Variants in ITGB8 observed in about 807,000 individuals in gnomAD.
The protein encoded by ITGB8 is integrin beta-8.
In ITGB8, 30 loss-of-function variants were observed where a neutral mutation model predicts 89.5. That is an observed-to-expected ratio of 0.34 (90% CI 0.25 to 0.45). The LOEUF (loss-of-function observed/expected upper bound fraction) is 0.45, where lower values mean the gene tolerates loss of function less well. ITGB8 is among the 20% of genes least tolerant of loss of function. The pLI, the probability that ITGB8 is intolerant of heterozygous loss-of-function variation, is 1.00. For synonymous variants in ITGB8, 335 were observed against 320.4 expected, an observed-to-expected ratio of 1.05 and a Z score of -0.49; for missense variants, 836 against 933.3, an observed-to-expected ratio of 0.90 and a Z score of 1.36.
Position 20,401,785 on chromosome 7 carries a change from T to C in ITGB8, c.1346T>C (p.Ile449Thr). The change falls in exon 10 of 14, where the codon ATA becomes ACA. Residue 449 changes from isoleucine (I) to threonine (T), a missense_variant. Coordinates refer to ENST00000222573, the MANE Select transcript of ITGB8 (RefSeq NM_002214.3). ...CDVTGGKNYA[I>T]IKPIGFNETA... ...GTCACAGGAGGAAAAAACTATGCAATAATCAAACCTATTGGTTTTAATGAA... is the reference window on the plus strand; with the variant it reads ...GTCACAGGAGGAAAAAACTATGCAACAATCAAACCTATTGGTTTTAATGAA... The C allele has an allele frequency of 6.2e-7, 1 of 1,603,604 alleles. No homozygotes were observed. The highest frequency in any genetic ancestry group is 1.3e-5 in the African/African-American group (1 of 74,294).
At chr7:20,405,058 C>T (rs1238846177) in intron 11 of ITGB8, among the ~76,000 whole-genome samples, 4 of 152,172 alleles carry the variant, frequency 2.6e-5, no homozygotes, top group Non-Finnish European at 5.9e-5. Flanking sequence ...TATATCTGGA[C>T]ACTCACTACC....
intron 8 of ITGB8, among the ~76,000 whole-genome samples, chr7:20,395,439 C>T (rs1195506930): frequency 6.6e-6 from 1 of 152,192 alleles, no homozygotes; most frequent in African/African-American, 2.4e-5. Flanking sequence ...TGATCAACCA[C>T]TTGATTGTTC....
intron 1 of ITGB8, among the ~76,000 whole-genome samples, chr7:20,360,930 T>C (rs985443300): frequency 1.7e-4 from 26 of 150,518 alleles, no homozygotes; most frequent in African/African-American, 6.1e-4. Flanking sequence ...TTTTTTTTTT[T>C]TTTTTGGAGT....
At chr7:20,382,347 C>T (rs1014453658) in intron 6 of ITGB8, among the ~76,000 whole-genome samples, 3 of 152,134 alleles carry the variant, frequency 2.0e-5, no homozygotes, top group African/African-American at 7.2e-5. Context: ...AGCAGGCTTT[C>T]TCTGTTTTGT....
At chr7:20,401,140 A>G (rs1229050086) in intron 9 of ITGB8, among the ~76,000 whole-genome samples, 1 of 151,938 alleles carries the variant, frequency 6.6e-6, no homozygotes, top group Non-Finnish European at 1.5e-5. Context: ...CACCATGCTC[A>G]GCTAATTTTT....
chr7:20,379,398 T>G, intron 4 of ITGB8, 101 bp downstream of exon 4: 3 of 714,314 alleles, frequency 4.2e-6, no homozygotes, highest in Middle Eastern at 3.5e-4. Context: ...TATTTTTATC[T>G]TATAAAATAA....
At position 20,410,089 on chromosome 7, in the gene ITGB8, T is replaced by A; in HGVS notation, c.*92T>A. 7.6e-7 allele frequency: 1 copy of A among 1,309,784 alleles called. No individual in the cohort carries two copies. The highest frequency in any genetic ancestry group is 1.1e-6 in the Non-Finnish European group (1 of 940,050). 81.1% of individuals were successfully genotyped at this position (1,309,784 alleles called of 1,614,324 possible). On this transcript the variant is annotated 3_prime_UTR_variant, in exon 14 of 14. Coordinates refer to ENST00000222573, the MANE Select transcript of ITGB8 (RefSeq NM_002214.3). ...TTAAAAGTCACAGGAGGAGACAAAT[T>A]GCTCACGGTCATGCCAGTTGCTGGT...
chr7:20,350,339 G>T (rs1785073358), intron 1 of ITGB8, among the ~76,000 whole-genome samples: 1 of 152,142 alleles, frequency 6.6e-6, no homozygotes, highest in Non-Finnish European at 1.5e-5. Context: ...GTAGAGACGG[G>T]GTTTTGCCAT....
chr7:20,334,031 A>G (rs1287788164), intron 1 of ITGB8, among the ~76,000 whole-genome samples: 1 of 152,204 alleles, frequency 6.6e-6, no homozygotes, highest in African/African-American at 2.4e-5. Context: ...CAATAAAGCC[A>G]TACAAAAGAG....
chr7:20,381,681 A>G (rs893535108), intron 5 of ITGB8, 46 bp from the exon 6 acceptor site: 1 of 1,461,726 alleles, frequency 6.8e-7, no homozygotes, highest in African/African-American at 1.4e-5. Flanking sequence ...ACCACAGTAC[A>G]CATCTGTGTT....
intron 8 of ITGB8, among the ~76,000 whole-genome samples, chr7:20,395,521 T>C (rs1207448835): frequency 6.6e-6 from 1 of 152,232 alleles, no homozygotes; most frequent in Non-Finnish European, 1.5e-5. Flanking sequence ...TCTGTTTTCT[T>C]GAGTTGATGG....
intron 1 of ITGB8, among the ~76,000 whole-genome samples, chr7:20,350,040 G>A (rs1339529293): frequency 6.6e-6 from 1 of 152,116 alleles, no homozygotes; most frequent in Admixed American, 6.5e-5. Context: ...ACAAAACAGG[G>A]AATAATCAGT....
At chr7:20,379,020 A>G (rs1048348642) in intron 3 of ITGB8, 31 bp from the exon 4 acceptor site, 3 of 1,518,370 alleles carry the variant, frequency 2.0e-6, no homozygotes, top group Non-Finnish European at 2.6e-6. Flanking sequence ...TAAAATGAAG[A>G]CTACATGATG....
chr7:20,370,275 CAGAA>C (rs201181094), intron 3 of ITGB8, among the ~76,000 whole-genome samples: 2,561 of 151,562 alleles, frequency 0.017, 69 homozygotes, highest in African/African-American at 0.058. Flanking sequence ...GAAAAAAATT[CAGAA>C]AGAAGCCTTT....
chr7:20,361,672 T>C (rs1161341316), intron 1 of ITGB8, among the ~76,000 whole-genome samples: 1 of 152,196 alleles, frequency 6.6e-6, no homozygotes, highest in Non-Finnish European at 1.5e-5. Flanking sequence ...TTTGCAAATG[T>C]GGTTAATGTC....
At chr7:20,346,216 G>C (rs1784917994) in intron 1 of ITGB8, among the ~76,000 whole-genome samples, 2 of 152,062 alleles carry the variant, frequency 1.3e-5, no homozygotes, top group Non-Finnish European at 1.5e-5. Context: ...TTACTCATGA[G>C]GTCAGGGGAA....
intron 6 of ITGB8, among the ~76,000 whole-genome samples, chr7:20,386,386 G>A (rs1468932389): frequency 4.1e-5 from 6 of 147,238 alleles, no homozygotes; most frequent in East Asian, 2.0e-4. Flanking sequence ...CTACAGGCGC[G>A]TGCCACCACA....
chr7:20,358,622 C>G (rs978249954), intron 1 of ITGB8, among the ~76,000 whole-genome samples: 1 of 152,060 alleles, frequency 6.6e-6, no homozygotes, highest in African/African-American at 2.4e-5. Context: ...AGGCTGGTCT[C>G]GAACTCCTGA....
intron 1 of ITGB8, among the ~76,000 whole-genome samples, chr7:20,358,032 C>T (rs1377315859): frequency 6.6e-6 from 1 of 152,166 alleles, no homozygotes; most frequent in Non-Finnish European, 1.5e-5. Flanking sequence ...ATGGCATGAT[C>T]TTGGCTCACT....
Sources: allele counts gnomAD v4.1 joint callset (sites outside exome capture counted in the v4.1 genomes callset), GRCh38; gene constraint gnomAD v4.1.1; transcripts MANE v1.5; gene names NCBI Gene and HGNC (gene_info 2026-07-23, HGNC 2026-07-21).